Variants in PTGFRN observed in about 807,000 individuals in gnomAD.
PTGFRN encodes prostaglandin F2 receptor inhibitor.
PTGFRN carries 35 observed loss-of-function variants against 83.2 expected under a neutral mutation model. The observed-to-expected ratio is 0.42, with a 90% confidence interval of 0.32 to 0.56. The LOEUF (loss-of-function observed/expected upper bound fraction) is 0.56, where lower values mean the gene tolerates loss of function less well. PTGFRN is among the 20% of genes least tolerant of loss of function. PTGFRN has a pLI of 0.11. For synonymous variants in PTGFRN, 519 were observed against 498.6 expected, an observed-to-expected ratio of 1.04 and a Z score of -0.55; for missense variants, 1,051 against 1,179.5, an observed-to-expected ratio of 0.89 and a Z score of 1.60.
chr1:116,959,843 G>T (rs1650598052), intron 4 of PTGFRN, among the ~76,000 whole-genome samples: 5 of 152,122 alleles, frequency 3.3e-5, no homozygotes, highest in Admixed American at 2.6e-4. Context: ...GGGTGTGGTG[G>T]TATGTTCCTG....
intron 7 of PTGFRN, among the ~76,000 whole-genome samples, chr1:116,980,405 C>T (rs1174037094): frequency 1.3e-5 from 2 of 152,220 alleles, no homozygotes; most frequent in South Asian, 4.1e-4. Flanking sequence ...GACACATGCA[C>T]ATGTGTGTTT....
chr1:116,984,765 G>A lies in PTGFRN; in HGVS notation c.2253G>A (p.Arg751=), dbSNP rs757517381. The change falls in exon 8 of 9, where the codon CGG becomes CGA. Residue 751 remains arginine, a synonymous_variant. Transcript: ENST00000393203. ...CTGTGCTCCTGTCTTCCCTGGATCG[G>A]AAGGGCATCGTGACCACCTCCCGGA... ...KAPVLLSSLD[R]KGIVTTSRRD... 12 of 1,614,046 alleles carry A rather than the reference G, an allele frequency of 7.4e-6. No individual in the cohort carries two copies. In the East Asian group the frequency reaches 2.2e-4, roughly 30 times the overall value.
intron 1 of PTGFRN, among the ~76,000 whole-genome samples, chr1:116,927,032 G>A (rs1649676914): frequency 6.6e-6 from 1 of 152,162 alleles, no homozygotes; most frequent in Admixed American, 6.5e-5. Flanking sequence ...TTGCAGCCAA[G>A]CATCTAGTGG....
At chr1:116,983,094 TA>T (rs777194765) in intron 7 of PTGFRN, among the ~76,000 whole-genome samples, 2 of 152,250 alleles carry the variant, frequency 1.3e-5, no homozygotes, top group African/African-American at 4.8e-5. Flanking sequence ...GGTGCTGTTC[TA>T]AGCATTTTAA....
chr1:116,964,890 G>C (rs1189566851), intron 5 of PTGFRN, among the ~76,000 whole-genome samples: 1 of 152,212 alleles, frequency 6.6e-6, no homozygotes, highest in Non-Finnish European at 1.5e-5. Context: ...CCCTTGCCTG[G>C]ATTACATCCC....
chr1:116,933,005 C>T lies in PTGFRN; in HGVS notation c.50-8710C>T, dbSNP rs1428527687. ...TATGGTTGTCTTCTGTGGATTAAGA[C>T]AATTTGTGGATAGTGCCTGGCTCAG... On this transcript the variant is annotated intron_variant, in intron 1 of 8. Coordinates refer to ENST00000393203, the MANE Select transcript of PTGFRN (RefSeq NM_020440.4). Among the ~76,000 whole-genome samples the T allele has an allele frequency of 2.0e-5, 3 of 152,094 alleles. No individual in the cohort carries two copies. The East Asian group carries it at 5.8e-4, about 29-fold the overall frequency.
chr1:116,938,122 T>C (rs1191845256), intron 1 of PTGFRN, among the ~76,000 whole-genome samples: 1 of 152,214 alleles, frequency 6.6e-6, no homozygotes, highest in African/African-American at 2.4e-5. Flanking sequence ...ACTGTGGTAA[T>C]GATGGCTTCA....
chr1:116,932,838 C>A (rs1005592564), intron 1 of PTGFRN, among the ~76,000 whole-genome samples: 1 of 152,102 alleles, frequency 6.6e-6, no homozygotes, highest in Admixed American at 6.5e-5. Flanking sequence ...AAACGAAATC[C>A]GACCTATCTT....
intron 6 of PTGFRN, among the ~76,000 whole-genome samples, chr1:116,968,633 A>G (rs761964802): frequency 3.3e-5 from 5 of 152,150 alleles, no homozygotes; most frequent in Non-Finnish European, 7.4e-5. Flanking sequence ...TTGTGCAACT[A>G]TCACTACTAT....
chr1:116,989,211 CT>C lies in PTGFRN; in HGVS notation c.*2248del. 1 of 152,262 alleles carries C rather than the reference CT, an allele frequency of 6.6e-6. No homozygotes were observed. Among genetic ancestry groups the C allele is most frequent in the Non-Finnish European group, 1.5e-5 (1 of 68,072 alleles). The allele number at this position is 152,262 out of a possible 1,614,324, so 9.4% of individuals were successfully genotyped here. A position where few individuals can be genotyped will look rare whatever the true frequency, so the allele number is the denominator to read the frequency against. ...TGTGATGGGTGCTTACACACTGTAC[CT>C]TTTCCTTTCATACTGATGCTGCAGT... is the stretch of plus-strand genomic sequence containing the variant. On this transcript the variant is annotated 3_prime_UTR_variant, in exon 9 of 9. Coordinates refer to ENST00000393203, the MANE Select transcript of PTGFRN (RefSeq NM_020440.4).
At chr1:116,926,808 A>C (rs968445073) in intron 1 of PTGFRN, among the ~76,000 whole-genome samples, 7 of 152,212 alleles carry the variant, frequency 4.6e-5, no homozygotes, top group African/African-American at 1.7e-4. Context: ...GTGGAATAAC[A>C]CATGTATTAG....
Position 116,964,238 on chromosome 1 carries a change from C to T in PTGFRN, c.1639+2570C>T, listed in dbSNP as rs554150863. On this transcript the variant is annotated intron_variant, in intron 5 of 8. Coordinates refer to ENST00000393203, the MANE Select transcript of PTGFRN (RefSeq NM_020440.4). ...TTTTCTCCTTCCATTCTCTCTGGTA[C>T]CTACTCAAATCAGGCTTTCCCCTCA... 2.6e-5 allele frequency among the ~76,000 whole-genome samples: 4 copies of T among 152,248 alleles called. No homozygotes were observed. In the East Asian group the frequency reaches 7.7e-4, roughly 29 times the overall value.
At chr1:116,964,114 C>T (rs1313605216) in intron 5 of PTGFRN, among the ~76,000 whole-genome samples, 4 of 152,014 alleles carry the variant, frequency 2.6e-5, no homozygotes, top group Non-Finnish European at 5.9e-5. Flanking sequence ...GATCTTCCTT[C>T]TTCATCCGTC....
rs1381534250 is a variant in PTGFRN at position 116,989,987 on chromosome 1, G to C, written c.*3020G>C. ...CACTGACATCTGTGAGCCAAAGACT[G>C]AGCCTTTTTGGCAGGAATAATAAGC... On this transcript the variant is annotated 3_prime_UTR_variant, in exon 9 of 9. Transcript: ENST00000393203. 1 of 152,616 alleles carries C rather than the reference G, an allele frequency of 6.6e-6. No individual in the cohort carries two copies. The highest frequency in any genetic ancestry group is 1.5e-5 in the Non-Finnish European group (1 of 68,036). The allele number at this position is 152,616 out of a possible 1,614,324, so 9.5% of individuals were successfully genotyped here.
Position 116,944,888 on chromosome 1 carries a change from G to C in PTGFRN, c.628G>C (p.Gly210Arg). The C allele has an allele frequency of 1.9e-6, 3 of 1,610,630 alleles. No individual in the cohort carries two copies. Among genetic ancestry groups the C allele is most frequent in the Non-Finnish European group, 2.5e-6 (3 of 1,179,386 alleles). ...THEGRFHPGL[G>R]YEQRYHSGDV... ...CGAGGGCAGGTTCCACCCGGGCCTG[G>C]GGTACGAGCAGCGCTACCACAGTGG... is the stretch of plus-strand genomic sequence containing the variant. The change falls in exon 3 of 9, where the codon GGG (glycine) becomes CGG (arginine). Residue 210 changes from glycine (G) to arginine (R), a missense_variant. Coordinates refer to ENST00000393203, the MANE Select transcript of PTGFRN (RefSeq NM_020440.4).
chr1:116,936,348 C>T (rs572024333), intron 1 of PTGFRN, among the ~76,000 whole-genome samples: 1 of 152,264 alleles, frequency 6.6e-6, no homozygotes, highest in East Asian at 1.9e-4. Context: ...AGGGGACATC[C>T]TAGTTCTGCA....
intron 1 of PTGFRN, among the ~76,000 whole-genome samples, chr1:116,939,636 A>T (rs913949440): frequency 3.3e-5 from 5 of 152,222 alleles, no homozygotes; most frequent in African/African-American, 1.2e-4. Context: ...GGGGATTAAC[A>T]TTAGGCTCCT....
intron 5 of PTGFRN, among the ~76,000 whole-genome samples, chr1:116,966,467 T>C (rs1650836057): frequency 6.6e-6 from 1 of 152,224 alleles, no homozygotes; most frequent in South Asian, 2.1e-4. Context: ...GCACTTCCCC[T>C]GCACTTAGCA....
chr1:116,911,336 C>T (rs1181894703), intron 1 of PTGFRN, among the ~76,000 whole-genome samples: 2 of 152,144 alleles, frequency 1.3e-5, no homozygotes, highest in South Asian at 2.1e-4. Flanking sequence ...CATTCAGGTC[C>T]CAGCTGCACA....
Sources: gnomAD v4.1 joint callset for allele counts (sites outside exome capture counted in the v4.1 genomes callset) on GRCh38, gnomAD v4.1.1 for gene constraint, MANE v1.5 for transcripts, NCBI Gene and HGNC (gene_info 2026-07-23, HGNC 2026-07-21) for gene names.